The following CCDC85C variants were observed in gnomAD, a reference collection of about 807,000 sequenced individuals.
The protein encoded by CCDC85C is coiled-coil domain containing 85C.
Under a neutral mutation model 38.3 loss-of-function variants are expected in CCDC85C, and 18 were observed. The observed-to-expected ratio is 0.47, with a 90% CI of 0.33 to 0.70. CCDC85C has a LOEUF of 0.70. Among genes scored for constraint, CCDC85C ranks in the 30% least tolerant of loss-of-function variants. The pLI is 0.03. For synonymous variants in CCDC85C, 264 were observed against 293.8 expected (o/e 0.90, Z 1.04); for missense variants, 566 against 621.2 (o/e 0.91, Z 0.94).
In CCDC85C at chr14:99,520,804, G is replaced by A. The variant is rs910858985; in HGVS notation, c.975+1329C>T. On this transcript the variant is annotated intron_variant, in intron 3 of 5. Coordinates refer to ENST00000380243, the MANE Select transcript of CCDC85C (RefSeq NM_001144995.2). This position sits in a 1 kb window ranked among gnomAD's most constrained non-coding sequence, Gnocchi z 4.1. ...CTCACTTCCTCCTCTCCAAAGTAGG[G>A]GACACCCCTTCATGCACAGAGCAGT... 5.9e-5 allele frequency among the ~76,000 whole-genome samples: 9 copies of A among 152,212 alleles called. No homozygotes were observed. Among genetic ancestry groups the A allele is most frequent in the Non-Finnish European group, 1.0e-4 (7 of 68,036 alleles).
chr14:99,565,062 G>A (rs963432592), intron 1 of CCDC85C, among the ~76,000 whole-genome samples: 18 of 152,308 alleles, frequency 1.2e-4, no homozygotes, highest in Middle Eastern at 3.4e-3. Context: ...GCAGCCAGGC[G>A]GCTGCACTTG....
In CCDC85C at chr14:99,572,764, T is replaced by A; in HGVS notation, c.793+30403A>T. 1 of 456,098 alleles carries A rather than the reference T, an allele frequency of 2.2e-6. No homozygotes were observed. The highest frequency in any genetic ancestry group is 3.3e-4 in the Middle Eastern group (1 of 3,070). The allele number at this position is 456,098 out of a possible 1,614,324, so 28.3% of individuals were successfully genotyped here. On this transcript the variant is annotated intron_variant, in intron 1 of 5. Coordinates refer to ENST00000380243, the MANE Select transcript of CCDC85C (RefSeq NM_001144995.2). The surrounding 1 kb of genome is among the most constrained non-coding windows in gnomAD (Gnocchi z 4.4). The stretch of plus-strand genomic sequence containing the variant: ...ATCCATGGATTTGTTTGCCAGTTTA[T>A]CCATCTTCCAAAGGAGACTTCTGTC...
At chr14:99,602,619 T>A (rs574757831) in intron 1 of CCDC85C, among the ~76,000 whole-genome samples, 10 of 152,310 alleles carry the variant, frequency 6.6e-5, no homozygotes, top group Admixed American at 1.3e-4. Context: ...AGAAAGGCTC[T>A]GAGCCCCAGG....
In CCDC85C at chr14:99,548,034, TAATC is replaced by T. The variant is rs1467626205; in HGVS notation, c.794-11950_794-11947del. On this transcript the variant is annotated intron_variant, in intron 1 of 5. Transcript: ENST00000380243. The surrounding 1 kb of genome is among the most constrained non-coding windows in gnomAD (Gnocchi z 4.9). Reference sequence around the variant, plus strand: ...AGCTTTCAGGTAGAAAAGGATTTCTTAATCAAGGAACAAAAAGAACAAACCATGA... The same window carrying T: ...AGCTTTCAGGTAGAAAAGGATTTCTTAAGGAACAAAAAGAACAAACCATGA... Among the ~76,000 whole-genome samples the T allele has an allele frequency of 6.6e-6, 1 of 152,036 alleles. No individual in the cohort carries two copies. The highest frequency in any genetic ancestry group is 1.5e-5 in the Non-Finnish European group (1 of 68,024).
At chr14:99,561,554 T>G (rs1419593075) in intron 1 of CCDC85C, among the ~76,000 whole-genome samples, 2 of 152,206 alleles carry the variant, frequency 1.3e-5, no homozygotes, top group African/African-American at 2.4e-5. Flanking sequence ...CTGTCCTTTG[T>G]TGGGCACCAG....
chr14:99,531,270 CT>C (rs1897487541), intron 2 of CCDC85C, among the ~76,000 whole-genome samples: 1 of 152,138 alleles, frequency 6.6e-6, no homozygotes, highest in African/African-American at 2.4e-5. Flanking sequence ...GCTCCCTGCT[CT>C]TTTGTAAAGC....
At position 99,580,383 on chromosome 14, in the gene CCDC85C, G is replaced by T. The variant is rs142219238; in HGVS notation, c.793+22784C>A. Among the ~76,000 whole-genome samples, 4 of 149,224 alleles carry T rather than the reference G, an allele frequency of 2.7e-5. No homozygotes were observed. The East Asian group carries it at 8.1e-4, about 30-fold the overall frequency. The stretch of plus-strand genomic sequence containing the variant: ...GAGTGCAGTGGGGGAGGCAGGAGGG[G>T]CTTTTGGACACTGAGGTAGCTGGAA... On this transcript the variant is annotated intron_variant, in intron 1 of 5. Coordinates refer to ENST00000380243, the MANE Select transcript of CCDC85C (RefSeq NM_001144995.2).
At chr14:99,566,964 C>A (rs1296102618) in intron 1 of CCDC85C, among the ~76,000 whole-genome samples, 1 of 152,234 alleles carries the variant, frequency 6.6e-6, no homozygotes, top group African/African-American at 2.4e-5. Flanking sequence ...ACATCCAGTA[C>A]ACCCAGAAAA....
chr14:99,590,947 G>C (rs996986770), intron 1 of CCDC85C, among the ~76,000 whole-genome samples: 1 of 152,240 alleles, frequency 6.6e-6, no homozygotes, highest in Non-Finnish European at 1.5e-5. Context: ...ATCCGCCAGG[G>C]ACGGCCAGAG....
intron 1 of CCDC85C, among the ~76,000 whole-genome samples, chr14:99,591,152 C>T (rs1223893339): frequency 1.3e-5 from 2 of 152,198 alleles, no homozygotes; most frequent in African/African-American, 4.8e-5. Context: ...CAATCTGTCC[C>T]CACCCCACCG....
Position 99,569,236 on chromosome 14 carries a change from G to T in CCDC85C, c.794-33148C>A, listed in dbSNP as rs1314625630. On this transcript the variant is annotated intron_variant, in intron 1 of 5. Coordinates refer to ENST00000380243, the MANE Select transcript of CCDC85C (RefSeq NM_001144995.2). The surrounding 1 kb of genome is among the most constrained non-coding windows in gnomAD (Gnocchi z 4.3). ...GACCTAAATCCTCCCAACTCCCAGG[G>T]GTGGCCCTCCAGTACGAAGGCTGAA... Among the ~76,000 whole-genome samples, 1 of 152,200 alleles carries T rather than the reference G, an allele frequency of 6.6e-6. No homozygotes were observed. The highest frequency in any genetic ancestry group is 6.5e-5 in the Admixed American group (1 of 15,284).
chr14:99,587,878 C>T (rs1244260861), intron 1 of CCDC85C, among the ~76,000 whole-genome samples: 1 of 152,218 alleles, frequency 6.6e-6, no homozygotes, highest in African/African-American at 2.4e-5. Context: ...CCCCACATCA[C>T]AGCCAGCCAC....
Position 99,510,786 on chromosome 14 carries a change from G to A in CCDC85C, c.*4460C>T. 1.4e-6 allele frequency: 2 copies of A among 1,429,824 alleles called. No individual in the cohort carries two copies. Among genetic ancestry groups the A allele is most frequent in the Admixed American group, 5.5e-5 (2 of 36,204 alleles). The allele number at this position is 1,429,824 out of a possible 1,614,324, so 88.6% of individuals were successfully genotyped here. A position where few individuals can be genotyped will look rare whatever the true frequency, so the allele number is the denominator to read the frequency against. On this transcript the variant is annotated 3_prime_UTR_variant, in exon 6 of 6. Transcript: ENST00000380243. ...GCGGGCAGCCTGGATGAGATAACGT[G>A]AGCCTTTTTTCCCTCTTTGTTTTTT...
intron 1 of CCDC85C, among the ~76,000 whole-genome samples, chr14:99,579,494 C>T (rs954717745): frequency 6.6e-6 from 1 of 152,234 alleles, no homozygotes; most frequent in Non-Finnish European, 1.5e-5. Flanking sequence ...GCCCTCCCAG[C>T]CCTGGTCCTT....
intron 1 of CCDC85C, among the ~76,000 whole-genome samples, chr14:99,582,224 G>A (rs545304801): frequency 1.2e-4 from 18 of 152,220 alleles, no homozygotes; most frequent in Admixed American, 2.6e-4. Context: ...GGGTAGGCGC[G>A]GCCTAGCAGA....
At chr14:99,552,636 G>A (rs1311730224) in intron 1 of CCDC85C, among the ~76,000 whole-genome samples, 1 of 152,160 alleles carries the variant, frequency 6.6e-6, no homozygotes, top group African/African-American at 2.4e-5. Context: ...GCTGTCTGAG[G>A]TGTGGGAGGG....
intron 1 of CCDC85C, among the ~76,000 whole-genome samples, chr14:99,557,156 T>C (rs1177763710): frequency 6.6e-6 from 1 of 152,190 alleles, no homozygotes; most frequent in Non-Finnish European, 1.5e-5. Flanking sequence ...AAAATGCAAT[T>C]ATTCCTATTG....
At chr14:99,591,199 C>T (rs2055082100) in intron 1 of CCDC85C, among the ~76,000 whole-genome samples, 1 of 152,236 alleles carries the variant, frequency 6.6e-6, no homozygotes, top group African/African-American at 2.4e-5. Flanking sequence ...GATCCTGAAG[C>T]CTTTGCGGCC....
intron 3 of CCDC85C, among the ~76,000 whole-genome samples, chr14:99,519,371 C>T (rs1897273289): frequency 6.6e-6 from 1 of 150,756 alleles, no homozygotes; most frequent in Non-Finnish European, 1.5e-5. Context: ...CCTGTCTTGG[C>T]CTCCCAAAGT....
Sources: gnomAD v4.1 joint callset for allele counts (sites outside exome capture counted in the v4.1 genomes callset) on GRCh38, gnomAD v4.1.1 for gene constraint, Gnocchi (gnomAD v3.1) non-coding constraint, MANE v1.5 for transcripts, NCBI Gene and HGNC (gene_info 2026-07-23, HGNC 2026-07-21) for gene names.